PRKAR1A: variants seen among roughly 807,000 people sequenced by gnomAD.
The protein encoded by PRKAR1A is cAMP-dependent protein kinase type I-alpha regulatory subunit.
In PRKAR1A, 3 loss-of-function variants were observed where a neutral mutation model predicts 52.0. The ratio of observed to expected loss-of-function variants is 0.06; its 90% CI spans 0.03 to 0.15. PRKAR1A has a LOEUF of 0.15. Ranked by LOEUF, PRKAR1A falls within the 10% of genes least tolerant of loss-of-function variation. The pLI is 1.00. For missense variants in PRKAR1A, 240 were observed against 477.4 expected, an observed-to-expected ratio of 0.50 and a Z score of 4.63; for synonymous variants, 188 against 168.4, an observed-to-expected ratio of 1.12 and a Z score of -0.90.
Position 68,527,802 on chromosome 17 carries a change from C to T in PRKAR1A, c.709-38C>T, listed in dbSNP as rs536466197. 75 of 1,494,758 alleles carry T rather than the reference C, an allele frequency of 5.0e-5. No individual in the cohort carries two copies. The Admixed American group carries it at 5.7e-4, about 11-fold the overall frequency. The allele number at this position is 1,494,758 out of a possible 1,614,324, so 92.6% of individuals were successfully genotyped here. ...ATAGCATTATGTGGTGATAATTACA[C>T]GTCTTGGGGATATCACTTTTGTTAT... On this transcript the variant is annotated intron_variant, in intron 7 of 10. Transcript: ENST00000589228.
chr17:68,531,506 G>A lies in PRKAR1A; in HGVS notation c.*1057G>A, dbSNP rs373618236. On this transcript the variant is annotated 3_prime_UTR_variant, in exon 11 of 11. Transcript: ENST00000589228. The stretch of plus-strand genomic sequence containing the variant: ...AAGTTCAGTGTCGGGAATTTTCCCC[G>A]TGACATTCACTGGGGCATGAGATTT... 2.3e-4 allele frequency: 246 copies of A among 1,066,272 alleles called. 1 individual carries two copies. In the African/African-American group the frequency reaches 2.7e-3, roughly 12 times the overall value. 66.1% of individuals were successfully genotyped at this position (1,066,272 alleles called of 1,614,324 possible).
At chr17:68,515,025 CGTTTACCTACTTCCCACGTCATCAT>C (rs1419465323) in intron 1 of PRKAR1A, 1 of 309,524 alleles carries the variant, frequency 3.2e-6, no homozygotes, top group African/African-American at 2.2e-5. Flanking sequence ...TCCTGTTTAC[CGTTTACCTACTTCCCACGTCATCAT>C]GATTTCTTTT....
chr17:68,450,789 C>T, the PRKAR1A span: 1 of 1,613,872 alleles, frequency 6.2e-7, no homozygotes, highest in Non-Finnish European at 8.5e-7. Flanking sequence ...GATCTCTGTG[C>T]CTTTCTTGAA....
intron 1 of PRKAR1A, chr17:68,514,984 C>T (rs540199270): frequency 1.1e-5 from 3 of 270,858 alleles, no homozygotes; most frequent in Non-Finnish European, 2.2e-5. Flanking sequence ...CTTTCGCTTA[C>T]AGTTGACTTT....
rs958644195 is a variant in PRKAR1A, at chr17:68,547,646, T to C, written c.974-3438T>C. On this transcript the variant is annotated intron_variant, in intron 11 of 11. Transcript: ENST00000585981. ...TTTTCTTCTGCAGCTTTCTCACCTGTCTCAGCCTTCATTGAGGAGAGTTAG... is the reference window on the plus strand; with the variant it reads ...TTTTCTTCTGCAGCTTTCTCACCTGCCTCAGCCTTCATTGAGGAGAGTTAG... Among the ~76,000 whole-genome samples the C allele has an allele frequency of 4.6e-5, 7 of 152,368 alleles. No individual in the cohort carries two copies. In the East Asian group the frequency reaches 1.3e-3, roughly 29 times the overall value.
Position 68,531,185 on chromosome 17 carries a change from T to A in PRKAR1A, c.*736T>A. On this transcript the variant is annotated 3_prime_UTR_variant, in exon 11 of 11. Transcript: ENST00000589228. ...CTAACTCATAGATTGCAAATATTGG[T>A]TAGTATTTAACTACATCTGCCTCGG... 1 of 1,065,920 alleles carries A rather than the reference T, an allele frequency of 9.4e-7. No individual in the cohort carries two copies. Among genetic ancestry groups the A allele is most frequent in the Non-Finnish European group, 1.1e-6 (1 of 879,164 alleles). The allele number at this position is 1,065,920 out of a possible 1,614,324, so 66.0% of individuals were successfully genotyped here.
the PRKAR1A span, among the ~76,000 whole-genome samples, chr17:68,474,661 C>G: frequency 6.6e-6 from 1 of 152,080 alleles, no homozygotes; most frequent in Non-Finnish European, 1.5e-5. Context: ...TTTGGGAGGC[C>G]GAGGCGGGCG....
chr17:68,444,234 C>T, the PRKAR1A span, among the ~76,000 whole-genome samples: 1 of 152,222 alleles, frequency 6.6e-6, no homozygotes, highest in Non-Finnish European at 1.5e-5. Flanking sequence ...CGTGCCTTGA[C>T]ACATTTGCTG....
chr17:68,433,027 C>T, the PRKAR1A span, among the ~76,000 whole-genome samples: 2 of 152,168 alleles, frequency 1.3e-5, no homozygotes, highest in African/African-American at 4.8e-5. Flanking sequence ...GCTTCCCAAG[C>T]GCTCAGTGGT....
At chr17:68,421,603 T>C in the PRKAR1A span, 2 of 842,732 alleles carry the variant, frequency 2.4e-6, no homozygotes, top group Non-Finnish European at 3.8e-6. Flanking sequence ...ACCAGGGTCG[T>C]GGGAAGCTTG....
chr17:68,420,550 C>G, the PRKAR1A span: 2 of 1,438,942 alleles, frequency 1.4e-6, no homozygotes, highest in South Asian at 2.5e-5. Context: ...TTTACAAACA[C>G]ACGCTTTAGT....
the PRKAR1A span, among the ~76,000 whole-genome samples, chr17:68,418,643 T>C: frequency 1.3e-4 from 20 of 152,168 alleles, no homozygotes; most frequent in Non-Finnish European, 2.4e-4. Flanking sequence ...TTGTATTGAG[T>C]TGCATGTTGG....
At chr17:68,502,778 A>T in the PRKAR1A span, among the ~76,000 whole-genome samples, 1 of 146,782 alleles carries the variant, frequency 6.8e-6, no homozygotes, top group Non-Finnish European at 1.5e-5. Flanking sequence ...AAAAAAAAAA[A>T]AGATATTTTG....
the PRKAR1A span, among the ~76,000 whole-genome samples, chr17:68,480,287 C>T: frequency 1.8e-4 from 28 of 152,250 alleles, no homozygotes; most frequent in Non-Finnish European, 3.4e-4. Context: ...CTATTGCGAA[C>T]TCATCTTCTG....
the PRKAR1A span, among the ~76,000 whole-genome samples, chr17:68,417,732 A>AT: frequency 1.6e-5 from 1 of 63,188 alleles, no homozygotes; most frequent in Non-Finnish European, 3.4e-5. Context: ...AGAGTTGCTG[A>AT]ATTTTTTTTT....
the PRKAR1A span, among the ~76,000 whole-genome samples, chr17:68,479,422 T>C: frequency 1.3e-5 from 2 of 152,230 alleles, no homozygotes; most frequent in African/African-American, 4.8e-5. Context: ...TTATGTATTC[T>C]GAATGGGAAC....
chr17:68,528,958 A>G lies in PRKAR1A; in HGVS notation c.858A>G (p.Gly286=), dbSNP rs746582369. ...ATGGGCAGAAGATTGTGGTGCAGGG[A>G]GAACCAGGGGATGAGTTCTTCATTA... is the stretch of plus-strand genomic sequence containing the variant. ...FEDGQKIVVQ[G]EPGDEFFIIL... The change falls in exon 9 of 11, where the codon GGA becomes GGG. Residue 286 remains glycine (G), a synonymous_variant. Coordinates refer to ENST00000589228, the MANE Select transcript of PRKAR1A (RefSeq NM_002734.5). The G allele has an allele frequency of 2.9e-5, 46 of 1,614,004 alleles. No homozygotes were observed. The highest frequency in any genetic ancestry group is 3.8e-5 in the Non-Finnish European group (45 of 1,179,890).
intron 11 of PRKAR1A, chr17:68,541,012 G>C: frequency 6.5e-7 from 1 of 1,549,622 alleles, no homozygotes; most frequent in Non-Finnish European, 8.7e-7. Context: ...CAGGGTGTCG[G>C]GGGTCTCCCC....
chr17:68,463,002 GTGCTGTACGACTT>G, the PRKAR1A span, among the ~76,000 whole-genome samples: 1,139 of 152,268 alleles, frequency 7.5e-3, 19 homozygotes, highest in African/African-American at 0.026. Flanking sequence ...TTGTTGGAAC[GTGCTGTACGACTT>G]TAGGTTTCTT....
Sources: gnomAD v4.1 joint callset for allele counts (sites outside exome capture counted in the v4.1 genomes callset) on GRCh38, gnomAD v4.1.1 for gene constraint, MANE v1.5 for transcripts, NCBI Gene and HGNC (gene_info 2026-07-23, HGNC 2026-07-21) for gene names.